Variants in TG observed in about 807,000 individuals in gnomAD.
The protein encoded by TG is thyroglobulin, also known as thyroid hormones.
Under a neutral mutation model 324.7 loss-of-function variants are expected in TG, and 270 were observed. The observed-to-expected ratio is 0.83, with a 90% CI of 0.75 to 0.92. The LOEUF is 0.92. TG is among the 40% of genes least tolerant of loss of function. The pLI is 0.00. For synonymous variants in TG, 1,401 were observed against 1,327.0 expected (o/e 1.06, Z -1.21); for missense variants, 3,591 against 3,456.4 (o/e 1.04, Z -0.98).
At chr8:132,984,618 A>C (rs1055077111) in intron 35 of TG, among the ~76,000 whole-genome samples, 1 of 152,174 alleles carries the variant, frequency 6.6e-6, no homozygotes, top group African/African-American at 2.4e-5. Context: ...CACAGTTGAA[A>C]TAATCAAAAA....
intron 41 of TG, chr8:133,037,826 C>T (rs964750050): frequency 2.6e-5 from 4 of 152,362 alleles, no homozygotes; most frequent in South Asian, 2.1e-4. Context: ...CTCGCCTCCT[C>T]GATTTCCCTG....
At chr8:133,042,623 C>T (rs1838467843) in intron 41 of TG, among the ~76,000 whole-genome samples, 1 of 147,008 alleles carries the variant, frequency 6.8e-6, no homozygotes, top group South Asian at 2.2e-4. Context: ...TTATAAGCAA[C>T]CTGTTGCTAG....
chr8:132,907,841 C>T (rs1818909596), intron 17 of TG, among the ~76,000 whole-genome samples: 2 of 152,120 alleles, frequency 1.3e-5, no homozygotes, highest in South Asian at 4.1e-4. Flanking sequence ...TCATTCCCAT[C>T]ATCTATGATG....
At chr8:132,958,939 G>A (rs969345639) in intron 27 of TG, among the ~76,000 whole-genome samples, 1 of 152,132 alleles carries the variant, frequency 6.6e-6, no homozygotes, top group African/African-American at 2.4e-5. Context: ...AGTAATTGCA[G>A]AGATCCAAGT....
chr8:132,926,977 A>AAAATATTTCCACCTTGCTCACTGG (rs1452582479), intron 22 of TG, among the ~76,000 whole-genome samples: 1 of 152,242 alleles, frequency 6.6e-6, no homozygotes, highest in African/African-American at 2.4e-5. Context: ...GAGTTAGTAA[A>AAAATATTTCCACCTTGCTCACTGG]AAATATTTCC....
At position 132,923,369 on chromosome 8, in the gene TG, C is replaced by A; in HGVS notation, c.4560C>A (p.Gly1520=). ...CVTDCQRNEA[G]LQCDQNGQYR... is the part of the protein sequence containing the mutation. ...CTGACTGTCAGAGGAACGAAGCAGGCCTGCAATGTGACCAGAATGGCCAGT... is the reference window on the plus strand; with the variant it reads ...CTGACTGTCAGAGGAACGAAGCAGGACTGCAATGTGACCAGAATGGCCAGT... The change falls in exon 22 of 48, where the codon GGC becomes GGA. Residue 1520 remains glycine, a synonymous_variant. Transcript: ENST00000220616. 2.5e-6 allele frequency: 4 copies of A among 1,614,034 alleles called. No individual in the cohort carries two copies. Among genetic ancestry groups the A allele is most frequent in the Non-Finnish European group, 3.4e-6 (4 of 1,180,002 alleles).
intron 41 of TG, among the ~76,000 whole-genome samples, chr8:133,085,290 C>G (rs763694029): frequency 2.0e-5 from 3 of 152,154 alleles, no homozygotes; most frequent in African/African-American, 7.2e-5. Context: ...GGACCTTGCA[C>G]TAGGCAAGCA....
chr8:133,087,022 AAGAT>A (rs1175363424), intron 41 of TG, among the ~76,000 whole-genome samples: 1 of 151,830 alleles, frequency 6.6e-6, no homozygotes, highest in East Asian at 1.9e-4. Flanking sequence ...TTAGGTGAAA[AAGAT>A]AGGCTCAAAA....
At chr8:133,105,009 A>T (rs192209341) in intron 43 of TG, among the ~76,000 whole-genome samples, 1 of 152,254 alleles carries the variant, frequency 6.6e-6, no homozygotes, top group Non-Finnish European at 1.5e-5. Context: ...TGAACAAAGG[A>T]GTGTTGTGTC....
chr8:132,988,457 G>A (rs560071825), intron 35 of TG, among the ~76,000 whole-genome samples: 1 of 30,504 alleles, frequency 3.3e-5, no homozygotes, highest in East Asian at 3.1e-4. Flanking sequence ...AAGTGCATTG[G>A]ATACTGCAGA....
rs117380030 is a variant in TG, at chr8:133,028,514, G to A, written c.7037-1307G>A. On this transcript the variant is annotated intron_variant, in intron 40 of 47. Coordinates refer to ENST00000220616, the MANE Select transcript of TG (RefSeq NM_003235.5). ...CAACATAATGTTAGAACCTAAACCT[G>A]TTCTATTTTATGAAAAAGTAATCTT... 7.9e-3 allele frequency among the ~76,000 whole-genome samples: 1,203 copies of A among 152,316 alleles called. 7 individuals carry two copies. The highest frequency in any genetic ancestry group is 0.013 in the Non-Finnish European group (899 of 68,044).
chr8:133,123,698 C>A (rs1666017190), intron 45 of TG, among the ~76,000 whole-genome samples: 2 of 148,414 alleles, frequency 1.3e-5, no homozygotes, highest in Admixed American at 1.3e-4. Flanking sequence ...GGACTCAGAC[C>A]CTGTGGCCAG....
At chr8:132,899,022 C>A in intron 14 of TG, 112 bp downstream of exon 14, 1 of 974,204 alleles carries the variant, frequency 1.0e-6, no homozygotes, top group South Asian at 1.4e-5. Context: ...ATGATGTTCT[C>A]AGCCTGGGTG....
At chr8:132,921,803 G>A (rs1419532670) in intron 21 of TG, among the ~76,000 whole-genome samples, 2 of 152,176 alleles carry the variant, frequency 1.3e-5, no homozygotes, top group African/African-American at 2.4e-5. Context: ...CTCATGTATA[G>A]CATGCAGGAC....
chr8:133,024,160 C>G (rs1158637025), intron 40 of TG, among the ~76,000 whole-genome samples: 1 of 152,228 alleles, frequency 6.6e-6, no homozygotes, highest in Non-Finnish European at 1.5e-5. Context: ...CAAGTGGCAT[C>G]CTGTGCCTTC....
intron 22 of TG, among the ~76,000 whole-genome samples, chr8:132,925,171 A>G (rs1170538363): frequency 6.6e-6 from 1 of 152,230 alleles, no homozygotes; most frequent in East Asian, 1.9e-4. Context: ...ATTATTGCCA[A>G]TATTTTAGCT....
At chr8:132,909,274 G>A (rs145364266) in intron 18 of TG, among the ~76,000 whole-genome samples, 1 of 152,288 alleles carries the variant, frequency 6.6e-6, no homozygotes, top group East Asian at 1.9e-4. Flanking sequence ...TTGACATATT[G>A]GGACAAAAGA....
chr8:133,050,105 T>C (rs905009359), intron 41 of TG: 2 of 768,416 alleles, frequency 2.6e-6, no homozygotes, highest in African/African-American at 3.4e-5. Flanking sequence ...TCTTTTAAGA[T>C]CTGTCACTGG....
chr8:132,893,912 G>T lies in TG; in HGVS notation c.2984G>T (p.Arg995Leu). The part of the protein sequence containing the change: ...QFLRGSDYAI[R>L]LAAQSTLSFY... ...CTGCGTGGGAGTGATTACGCCATTC[G>T]CCTGGCGGCTCAGTCTAGTGAGTGT... is the stretch of plus-strand genomic sequence containing the variant. The change falls in exon 11 of 48, where the codon CGC (arginine) becomes CTC (leucine). Residue 995 changes from arginine (R) to leucine (L), a missense_variant. Physicochemically the swap from Arg to Leu is moderately radical, Grantham distance 102. Coordinates refer to ENST00000220616, the MANE Select transcript of TG (RefSeq NM_003235.5). The T allele has an allele frequency of 6.2e-7, 1 of 1,614,032 alleles. No homozygotes were observed. Among genetic ancestry groups the T allele is most frequent in the Non-Finnish European group, 8.5e-7 (1 of 1,179,940 alleles).
Sources: allele counts gnomAD v4.1 joint callset (sites outside exome capture counted in the v4.1 genomes callset), GRCh38; gene constraint gnomAD v4.1.1; transcripts MANE v1.5; gene names NCBI Gene and HGNC (gene_info 2026-07-23, HGNC 2026-07-21).